The following KIRREL3 variants were observed in gnomAD, a reference collection of about 807,000 sequenced individuals.
KIRREL3 encodes the protein kirre like nephrin family adhesion molecule 3.
A neutral mutation model predicts 89.7 loss-of-function variants in KIRREL3; 36 were observed. The ratio of observed to expected loss-of-function variants is 0.40; its 90% CI spans 0.31 to 0.53. KIRREL3 has a LOEUF of 0.53. KIRREL3 is among the 20% of genes least tolerant of loss of function. The pLI, the probability that KIRREL3 is intolerant of heterozygous loss-of-function variation, is 0.49. For missense variants in KIRREL3, 864 were observed against 1,056.6 expected (o/e 0.82, Z 2.53); for synonymous variants, 445 against 441.4 (o/e 1.01, Z -0.10).
chr11:126,732,966 G>C (rs899676839), intron 1 of KIRREL3, among the ~76,000 whole-genome samples: 12 of 152,228 alleles, frequency 7.9e-5, no homozygotes, highest in African/African-American at 2.9e-4. Flanking sequence ...AAAGACTTTG[G>C]TGAAATGCAA....
At chr11:126,667,656 G>A (rs978699374) in intron 1 of KIRREL3, among the ~76,000 whole-genome samples, 1 of 152,124 alleles carries the variant, frequency 6.6e-6, no homozygotes, top group Non-Finnish European at 1.5e-5. Flanking sequence ...ACTCATGTCG[G>A]CTTAGTTGAA....
At position 126,669,739 on chromosome 11, in the gene KIRREL3, T is replaced by A. The variant is rs1183011150; in HGVS notation, c.56-106827A>T. 2.6e-5 allele frequency among the ~76,000 whole-genome samples: 4 copies of A among 152,344 alleles called. No individual in the cohort carries two copies. The highest frequency in any genetic ancestry group is 1.3e-4 in the Admixed American group (2 of 15,308). ...AAGGTTTTGCATGAAACTCCAAGGC[T>A]TTAAATACCATTGAGATACAGATGA... is the stretch of plus-strand genomic sequence containing the variant. On this transcript the variant is annotated intron_variant, in intron 1 of 16. Transcript: ENST00000525144. The surrounding 1 kb of genome is among the most constrained non-coding windows in gnomAD (Gnocchi z 5.0).
chr11:126,712,751 G>A (rs1017762835), intron 1 of KIRREL3, among the ~76,000 whole-genome samples: 3 of 152,166 alleles, frequency 2.0e-5, no homozygotes, highest in Non-Finnish European at 4.4e-5. Flanking sequence ...GAGAAAAGTA[G>A]GTGGAGACAG....
At chr11:126,823,086 A>G (rs191697434) in intron 1 of KIRREL3, among the ~76,000 whole-genome samples, 2 of 152,328 alleles carry the variant, frequency 1.3e-5, no homozygotes. Context: ...AGTGAGAAAC[A>G]GATGAGATGT....
In KIRREL3 at chr11:126,969,487, G is replaced by A. The variant is rs1166736503; in HGVS notation, c.55+30968C>T. 6.6e-6 allele frequency among the ~76,000 whole-genome samples: 1 copy of A among 152,174 alleles called. No individual in the cohort carries two copies. The highest frequency in any genetic ancestry group is 2.4e-5 in the African/African-American group (1 of 41,432). On this transcript the variant is annotated intron_variant, in intron 1 of 16. Coordinates refer to ENST00000525144, the MANE Select transcript of KIRREL3 (RefSeq NM_032531.4). The surrounding 1 kb of genome is among the most constrained non-coding windows in gnomAD (Gnocchi z 4.9). ...GGAAGAATGAACAGGTGTGAACCAG[G>A]GGAAGAGGGAGTAAGAACGTCTCCT... is the stretch of plus-strand genomic sequence containing the variant.
At position 126,712,407 on chromosome 11, in the gene KIRREL3, T is replaced by A. The variant is rs557691029; in HGVS notation, c.56-149495A>T. ...GAGCCCCTCAGAGCCCTCTGCCCCG[T>A]TGGTGCTGTGCCGGCGAAAGGCCAC... is the stretch of plus-strand genomic sequence containing the variant. On this transcript the variant is annotated intron_variant, in intron 1 of 16. Transcript: ENST00000525144. 1.1e-3 allele frequency among the ~76,000 whole-genome samples: 161 copies of A among 152,266 alleles called. 2 individuals carry two copies. In the South Asian group the frequency reaches 0.024, roughly 23 times the overall value.
At position 126,953,153 on chromosome 11, in the gene KIRREL3, A is replaced by G. The variant is rs541288443; in HGVS notation, c.55+47302T>C. Reference sequence around the variant, plus strand: ...ATACACCATGGAATTCTATGCAGCCATAAAAAAGAATGAGTTCATGTCCTT... The same window carrying G: ...ATACACCATGGAATTCTATGCAGCCGTAAAAAAGAATGAGTTCATGTCCTT... On this transcript the variant is annotated intron_variant, in intron 1 of 16. Transcript: ENST00000525144. This position sits in a 1 kb window ranked among gnomAD's most constrained non-coding sequence, Gnocchi z 5.2. Among the ~76,000 whole-genome samples the G allele has an allele frequency of 7.9e-5, 12 of 152,366 alleles. No homozygotes were observed. Among genetic ancestry groups the G allele is most frequent in the Non-Finnish European group, 1.6e-4 (11 of 68,032 alleles).
rs1305564075 is a variant in KIRREL3, at chr11:126,773,990, G to A, written c.56-211078C>T. 6.6e-6 allele frequency among the ~76,000 whole-genome samples: 1 copy of A among 152,108 alleles called. No homozygotes were observed. The highest frequency in any genetic ancestry group is 1.5e-5 in the Non-Finnish European group (1 of 68,028). ...GAACAAAGCCAGGGACAGGGTAAGA[G>A]TCTCCGGCTGGAGAAAAAAGTGATG... On this transcript the variant is annotated intron_variant, in intron 1 of 16. Coordinates refer to ENST00000525144, the MANE Select transcript of KIRREL3 (RefSeq NM_032531.4). The surrounding 1 kb of genome is among the most constrained non-coding windows in gnomAD (Gnocchi z 4.2).
At chr11:126,971,913 G>GA (rs1949433702) in intron 1 of KIRREL3, among the ~76,000 whole-genome samples, 1 of 152,168 alleles carries the variant, frequency 6.6e-6, no homozygotes, top group Non-Finnish European at 1.5e-5. Flanking sequence ...AGCAATGTCA[G>GA]AAAAATCCAT....
rs892831218 is a variant in KIRREL3 at position 126,525,883 on chromosome 11, A to G, written c.283+655T>C. On this transcript the variant is annotated intron_variant, in intron 3 of 16. Transcript: ENST00000525144. The surrounding 1 kb of genome is among the most constrained non-coding windows in gnomAD (Gnocchi z 5.4). ...TGGTCTTATGGGATCACTATTCACA[A>G]TAGTTAACAAATGATCTGTTGTCAG... 5.3e-5 allele frequency among the ~76,000 whole-genome samples: 8 copies of G among 152,310 alleles called. 1 individual carries two copies. Among genetic ancestry groups the G allele is most frequent in the Admixed American group, 5.2e-4 (8 of 15,292 alleles).
At position 126,948,091 on chromosome 11, in the gene KIRREL3, T is replaced by A. The variant is rs949056942; in HGVS notation, c.55+52364A>T. 1.1e-4 allele frequency among the ~76,000 whole-genome samples: 17 copies of A among 152,220 alleles called. No individual in the cohort carries two copies. Among genetic ancestry groups the A allele is most frequent in the African/African-American group, 4.1e-4 (17 of 41,454 alleles). On this transcript the variant is annotated intron_variant, in intron 1 of 16. Coordinates refer to ENST00000525144, the MANE Select transcript of KIRREL3 (RefSeq NM_032531.4). This position sits in a 1 kb window ranked among gnomAD's most constrained non-coding sequence, Gnocchi z 4.5. The stretch of plus-strand genomic sequence containing the variant: ...AAATTGTTCATTAAAATACATATTA[T>A]TGGATGTTAAACTACCGTGTAATTG...
rs951546046 is a variant in KIRREL3, at chr11:126,459,929, A to C, written c.742+3228T>G. On this transcript the variant is annotated intron_variant, in intron 6 of 16. Coordinates refer to ENST00000525144, the MANE Select transcript of KIRREL3 (RefSeq NM_032531.4). The surrounding 1 kb of genome is among the most constrained non-coding windows in gnomAD (Gnocchi z 4.8). Reference sequence around the variant, plus strand: ...TGAGGGCTTTGTCTTCCGTTGGGTAACATATGAAGACCAAGAGAAACAAAC... The same window carrying C: ...TGAGGGCTTTGTCTTCCGTTGGGTACCATATGAAGACCAAGAGAAACAAAC... Among the ~76,000 whole-genome samples the C allele has an allele frequency of 1.3e-5, 2 of 152,188 alleles. No homozygotes were observed. The highest frequency in any genetic ancestry group is 2.9e-5 in the Non-Finnish European group (2 of 68,026).
In KIRREL3 at chr11:126,909,368, G is replaced by A. The variant is rs144467540; in HGVS notation, c.55+91087C>T. On this transcript the variant is annotated intron_variant, in intron 1 of 16. Transcript: ENST00000525144. This position sits in a 1 kb window ranked among gnomAD's most constrained non-coding sequence, Gnocchi z 4.5. ...TTCCTCAAGGCAAGAGAGCAAGGAC[G>A]CATTGCACTCATCCTTGCATATCTG... Among the ~76,000 whole-genome samples, 91 of 152,330 alleles carry A rather than the reference G, an allele frequency of 6.0e-4. No individual in the cohort carries two copies. The highest frequency in any genetic ancestry group is 1.4e-3 in the South Asian group (7 of 4,830).
At chr11:126,925,123 C>T (rs1177782940) in intron 1 of KIRREL3, among the ~76,000 whole-genome samples, 1 of 141,014 alleles carries the variant, frequency 7.1e-6, no homozygotes, top group African/African-American at 2.6e-5. Context: ...CTGTTGGTCA[C>T]AGGATTGTGC....
In KIRREL3 at chr11:126,627,003, G is replaced by GAA. The variant is rs763842903; in HGVS notation, c.56-64093_56-64092dup. ...CCACAAGAGTGAAACACTGTCTCAAGAAAAAAAAAAAACAAAAAAAAAAGA... is the reference window on the plus strand; with the variant it reads ...CCACAAGAGTGAAACACTGTCTCAAGAAAAAAAAAAAAAACAAAAAAAAAAGA... On this transcript the variant is annotated intron_variant, in intron 1 of 16. Coordinates refer to ENST00000525144, the MANE Select transcript of KIRREL3 (RefSeq NM_032531.4). This position sits in a 1 kb window ranked among gnomAD's most constrained non-coding sequence, Gnocchi z 5.0. Among the ~76,000 whole-genome samples, 1 of 42,588 alleles carries GAA rather than the reference G, an allele frequency of 2.3e-5. No individual in the cohort carries two copies. The highest frequency in any genetic ancestry group is 5.2e-5 in the Non-Finnish European group (1 of 19,132). The allele number at this position is 42,588 out of a possible 152,430, so 27.9% of individuals were successfully genotyped here.
chr11:126,688,150 A>T (rs1183443006), intron 1 of KIRREL3, among the ~76,000 whole-genome samples: 1 of 152,228 alleles, frequency 6.6e-6, no homozygotes, highest in Non-Finnish European at 1.5e-5. Context: ...CAACACTGTA[A>T]ATTAGCAGTA....
chr11:126,727,325 C>T (rs949422963), intron 1 of KIRREL3, among the ~76,000 whole-genome samples: 10 of 152,284 alleles, frequency 6.6e-5, no homozygotes, highest in African/African-American at 2.4e-4. Flanking sequence ...TCCTTCCTCA[C>T]CTCCCAGACC....
intron 1 of KIRREL3, among the ~76,000 whole-genome samples, chr11:126,874,197 C>T (rs1428563627): frequency 2.0e-5 from 3 of 152,222 alleles, no homozygotes; most frequent in Admixed American, 6.5e-5. Flanking sequence ...AGTTAGCTAG[C>T]TACCTGGTCT....
At position 126,802,447 on chromosome 11, in the gene KIRREL3, G is replaced by C. The variant is rs972118051; in HGVS notation, c.55+198008C>G. 6.6e-6 allele frequency among the ~76,000 whole-genome samples: 1 copy of C among 152,112 alleles called. No homozygotes were observed. Among genetic ancestry groups the C allele is most frequent in the Non-Finnish European group, 1.5e-5 (1 of 68,022 alleles). On this transcript the variant is annotated intron_variant, in intron 1 of 16. Transcript: ENST00000525144. This position sits in a 1 kb window ranked among gnomAD's most constrained non-coding sequence, Gnocchi z 5.2. ...AGAAAAATATATCACTTTCCAGCTGGGTCCATAGTCTGTGTGGCGTCGTTC... is the reference window on the plus strand; with the variant it reads ...AGAAAAATATATCACTTTCCAGCTGCGTCCATAGTCTGTGTGGCGTCGTTC...
Sources: allele counts gnomAD v4.1 joint callset (sites outside exome capture counted in the v4.1 genomes callset), GRCh38; gene constraint gnomAD v4.1.1; non-coding constraint Gnocchi (gnomAD v3.1); transcripts MANE v1.5; gene names NCBI Gene and HGNC (gene_info 2026-07-23, HGNC 2026-07-21).